The following PAM variants were observed in gnomAD, a reference collection of about 807,000 sequenced individuals.
The protein encoded by PAM is peptidylglycine alpha-amidating monooxygenase, also known as peptidyl-glycine alpha-amidating monooxygenase.
A neutral mutation model predicts 122.1 loss-of-function variants in PAM; 72 were observed. The ratio of observed to expected loss-of-function variants is 0.59; its 90% CI spans 0.49 to 0.72. PAM has a LOEUF of 0.72. PAM is among the 30% of genes least tolerant of loss of function. PAM has a pLI of 0.00. For synonymous variants in PAM, 389 were observed against 404.4 expected (o/e 0.96, Z 0.46); for missense variants, 1,106 against 1,183.7 (o/e 0.93, Z 0.96).
intron 1 of PAM, among the ~76,000 whole-genome samples, chr5:102,864,242 A>G (rs1317991005): frequency 6.7e-6 from 1 of 149,152 alleles, no homozygotes; most frequent in Non-Finnish European, 1.5e-5. Context: ...TGATAGGATT[A>G]TACTTTGTTG....
At chr5:102,968,067 G>A (rs191132619) in intron 14 of PAM, among the ~76,000 whole-genome samples, 178 of 152,192 alleles carry the variant, frequency 1.2e-3, no homozygotes, top group Non-Finnish European at 2.0e-3. Flanking sequence ...AATCGCTGTG[G>A]TATGTATGTA....
intron 24 of PAM, among the ~76,000 whole-genome samples, chr5:103,027,273 GCTTT>G (rs1371306583): frequency 6.6e-6 from 1 of 152,166 alleles, no homozygotes; most frequent in Non-Finnish European, 1.5e-5. Flanking sequence ...TAATTTGTTG[GCTTT>G]CTAACAGTCT....
At position 102,795,574 on chromosome 5, in the gene PAM, G is replaced by T. The variant is rs546593864; in HGVS notation, c.-374+40226G>T. On this transcript the variant is annotated intron_variant, in intron 1 of 25. Coordinates refer to ENST00000438793, the MANE Select transcript of PAM (RefSeq NM_001177306.2). ...TATTAACTAAATGACTTTCTTAATG[G>T]CTACCCTTTTGACAAATGAAGAAAT... Among the ~76,000 whole-genome samples, 71 of 152,220 alleles carry T rather than the reference G, an allele frequency of 4.7e-4. 1 individual carries two copies. Among genetic ancestry groups the T allele is most frequent in the African/African-American group, 1.6e-3 (65 of 41,542 alleles).
At position 102,779,912 on chromosome 5, in the gene PAM, T is replaced by C. The variant is rs369938783; in HGVS notation, c.-374+24564T>C. Among the ~76,000 whole-genome samples the C allele has an allele frequency of 2.8e-3, 191 of 67,884 alleles. 2 individuals are homozygous for C. The highest frequency in any genetic ancestry group is 3.5e-3 in the Non-Finnish European group (115 of 33,204). 44.5% of individuals were successfully genotyped at this position (67,884 alleles called of 152,430 possible). ...ATATATATATATATATATATATATA[T>C]ATATATACACACATATATATATGTA... On this transcript the variant is annotated intron_variant, in intron 1 of 25. Coordinates refer to ENST00000438793, the MANE Select transcript of PAM (RefSeq NM_001177306.2).
At chr5:102,973,871 G>C (rs2150437560) in intron 14 of PAM, among the ~76,000 whole-genome samples, 1 of 152,088 alleles carries the variant, frequency 6.6e-6, no homozygotes, top group East Asian at 1.9e-4. Flanking sequence ...AATTACATAA[G>C]CATTATTTTT....
intron 15 of PAM, among the ~76,000 whole-genome samples, chr5:102,981,910 G>A (rs1156720838): frequency 1.3e-5 from 2 of 152,154 alleles, no homozygotes; most frequent in Non-Finnish European, 2.9e-5. Flanking sequence ...TAAATCTAAT[G>A]CCTATACTCT....
intron 1 of PAM, among the ~76,000 whole-genome samples, chr5:102,821,587 TAACC>T (rs1365142908): frequency 1.3e-5 from 2 of 152,238 alleles, no homozygotes; most frequent in Non-Finnish European, 2.9e-5. Context: ...GTTTGGTTAA[TAACC>T]AACATTTATT....
intron 1 of PAM, among the ~76,000 whole-genome samples, chr5:102,782,899 AT>A (rs1759444205): frequency 6.6e-6 from 1 of 150,886 alleles, no homozygotes; most frequent in East Asian, 1.9e-4. Flanking sequence ...TACTCCCCAT[AT>A]TTTTGGTGTA....
chr5:102,925,394 A>C (rs748118682), intron 6 of PAM, among the ~76,000 whole-genome samples: 2 of 152,198 alleles, frequency 1.3e-5, no homozygotes, highest in Non-Finnish European at 2.9e-5. Flanking sequence ...TCAGCAAAGA[A>C]TTTTTTACAG....
intron 7 of PAM, among the ~76,000 whole-genome samples, chr5:102,941,993 C>T (rs1053880998): frequency 2.6e-5 from 4 of 151,974 alleles, no homozygotes; most frequent in African/African-American, 9.7e-5. Flanking sequence ...ACCTATGTCC[C>T]ATCTCTCTGC....
At chr5:102,952,800 A>G (rs1188460295) in intron 12 of PAM, among the ~76,000 whole-genome samples, 2 of 152,154 alleles carry the variant, frequency 1.3e-5, no homozygotes, top group African/African-American at 4.8e-5. Context: ...CTAGTAATTT[A>G]TGATGTCGGT....
At chr5:102,976,051 G>T (rs1767555430) in intron 15 of PAM, among the ~76,000 whole-genome samples, 1 of 152,084 alleles carries the variant, frequency 6.6e-6, no homozygotes, top group African/African-American at 2.4e-5. Flanking sequence ...AAATGGTAGT[G>T]CTCAAGAGAA....
intron 3 of PAM, among the ~76,000 whole-genome samples, chr5:102,898,795 A>G (rs1796877912): frequency 2.6e-5 from 4 of 151,652 alleles, no homozygotes; most frequent in Admixed American, 2.6e-4. Flanking sequence ...GGTTTGAAAA[A>G]TACCTTTTAA....
intron 16 of PAM, among the ~76,000 whole-genome samples, chr5:102,997,371 T>C (rs1006178447): frequency 1.3e-5 from 2 of 152,062 alleles, no homozygotes; most frequent in African/African-American, 4.8e-5. Context: ...AAATAAATTA[T>C]CTAGGCATGG....
At chr5:102,858,220 C>A (rs562040232) in intron 1 of PAM, among the ~76,000 whole-genome samples, 21 of 152,220 alleles carry the variant, frequency 1.4e-4, no homozygotes, top group African/African-American at 4.3e-4. Flanking sequence ...TTATTTATTT[C>A]TTATTATATG....
At chr5:102,839,919 C>T (rs1159538233) in intron 1 of PAM, among the ~76,000 whole-genome samples, 1 of 152,194 alleles carries the variant, frequency 6.6e-6, no homozygotes, top group Non-Finnish European at 1.5e-5. Context: ...CCACAACAAA[C>T]ATCATATATG....
At chr5:102,817,596 G>A (rs1237952648) in intron 1 of PAM, among the ~76,000 whole-genome samples, 1 of 151,986 alleles carries the variant, frequency 6.6e-6, no homozygotes, top group Non-Finnish European at 1.5e-5. Context: ...TTAAATGTAT[G>A]GTTCACATTA....
intron 12 of PAM, among the ~76,000 whole-genome samples, chr5:102,956,708 G>GT (rs1370200888): frequency 3.3e-5 from 5 of 151,520 alleles, no homozygotes; most frequent in Admixed American, 6.6e-5. Flanking sequence ...ATTTTCTTTT[G>GT]TTTTTTGTTA....
chr5:103,021,661 C>G (rs918722194), intron 23 of PAM, among the ~76,000 whole-genome samples: 8 of 152,134 alleles, frequency 5.3e-5, no homozygotes, highest in Admixed American at 5.2e-4. Flanking sequence ...AACCCAAACT[C>G]AAATGAAGTT....
Sources: gnomAD v4.1 joint callset for allele counts (sites outside exome capture counted in the v4.1 genomes callset) on GRCh38, gnomAD v4.1.1 for gene constraint, MANE v1.5 for transcripts, NCBI Gene and HGNC (gene_info 2026-07-23, HGNC 2026-07-21) for gene names.